WWOX: variants seen among roughly 807,000 people sequenced by gnomAD.
The protein encoded by WWOX is WW domain containing oxidoreductase, also known as WW domain-containing oxidoreductase.
A neutral mutation model predicts 46.2 loss-of-function variants in WWOX; 69 were observed. The observed-to-expected ratio is 1.49, with a 90% CI of 1.23 to 1.82. WWOX has a LOEUF of 1.82. Ranked by LOEUF, WWOX falls within the 40% of genes most tolerant of loss-of-function variation. The pLI, the probability that WWOX is intolerant of heterozygous loss-of-function variation, is 0.00. For missense variants in WWOX, 919 were observed against 542.6 expected (o/e 1.69, Z -6.89); for synonymous variants, 359 against 202.6 (o/e 1.77, Z -6.56).
chr16:79,028,523 T>C lies in WWOX; in HGVS notation c.1057-183085T>C, dbSNP rs2047690704. 2.0e-5 allele frequency among the ~76,000 whole-genome samples: 3 copies of C among 151,648 alleles called. 1 individual carries two copies. The highest frequency in any genetic ancestry group is 7.3e-5 in the African/African-American group (3 of 41,006). On this transcript the variant is annotated intron_variant, in intron 8 of 8. Transcript: ENST00000566780. ...ATCATTTTTCTTTCCTCCTTCTTCC[T>C]CTCCCTCCCTCCCATCCTTTCTTGC...
At chr16:78,932,142 C>G (rs995110638) in intron 8 of WWOX, among the ~76,000 whole-genome samples, 17 of 152,222 alleles carry the variant, frequency 1.1e-4, no homozygotes, top group African/African-American at 3.1e-4. Context: ...CAAACTAATA[C>G]ACCACTTGAA....
At chr16:78,659,959 A>G (rs757740310) in intron 8 of WWOX, among the ~76,000 whole-genome samples, 3 of 152,130 alleles carry the variant, frequency 2.0e-5, no homozygotes, top group Admixed American at 6.6e-5. Flanking sequence ...AGTGCATGCA[A>G]AAAAAAGCCC....
chr16:78,398,320 G>A (rs576927111), intron 6 of WWOX, among the ~76,000 whole-genome samples: 15 of 152,214 alleles, frequency 9.9e-5, no homozygotes, highest in Middle Eastern at 3.4e-3. Context: ...TCTCTGCTCC[G>A]CTGCTTATGT....
At chr16:78,739,918 T>G (rs2049175657) in intron 8 of WWOX, among the ~76,000 whole-genome samples, 1 of 152,170 alleles carries the variant, frequency 6.6e-6, no homozygotes, top group African/African-American at 2.4e-5. Context: ...GTGCATTTAT[T>G]ATTGCTAGGA....
At chr16:78,585,820 T>G (rs2045188687) in intron 8 of WWOX, among the ~76,000 whole-genome samples, 1 of 151,990 alleles carries the variant, frequency 6.6e-6, no homozygotes, top group Admixed American at 6.5e-5. Flanking sequence ...TTGGCCTGAT[T>G]CTGTGGCCTT....
intron 8 of WWOX, among the ~76,000 whole-genome samples, chr16:78,580,539 A>C (rs1337612408): frequency 6.6e-6 from 1 of 152,204 alleles, no homozygotes; most frequent in African/African-American, 2.4e-5. Flanking sequence ...ACAAATTGCC[A>C]AATGCAAGGC....
At chr16:78,582,632 C>T (rs2045088957) in intron 8 of WWOX, among the ~76,000 whole-genome samples, 1 of 152,116 alleles carries the variant, frequency 6.6e-6, no homozygotes, top group Non-Finnish European at 1.5e-5. Flanking sequence ...TTGATTGGTC[C>T]AACCTTAGCC....
chr16:78,647,923 A>G (rs902468775), intron 8 of WWOX, among the ~76,000 whole-genome samples: 1 of 152,342 alleles, frequency 6.6e-6, no homozygotes, highest in African/African-American at 2.4e-5. Context: ...AAAAGGCAAC[A>G]TTAGTAATCA....
At chr16:78,668,560 G>A (rs895739382) in intron 8 of WWOX, among the ~76,000 whole-genome samples, 2 of 152,170 alleles carry the variant, frequency 1.3e-5, no homozygotes, top group East Asian at 3.9e-4. Context: ...GTGGCAAGGG[G>A]CGTGACAAAG....
At chr16:78,581,393 C>A (rs1442379538) in intron 8 of WWOX, among the ~76,000 whole-genome samples, 2 of 152,036 alleles carry the variant, frequency 1.3e-5, no homozygotes, top group East Asian at 1.9e-4. Flanking sequence ...ACAGAATGAG[C>A]CTTAAATCTG....
chr16:78,355,100 C>G (rs1250902449), intron 5 of WWOX, among the ~76,000 whole-genome samples: 3 of 151,498 alleles, frequency 2.0e-5, no homozygotes, highest in African/African-American at 4.9e-5. Flanking sequence ...CCACTGCACT[C>G]CAGCCTGGGT....
At chr16:78,593,957 C>T (rs952615000) in intron 8 of WWOX, among the ~76,000 whole-genome samples, 5 of 152,082 alleles carry the variant, frequency 3.3e-5, no homozygotes, top group Non-Finnish European at 7.3e-5. Context: ...CGTCTTTGTC[C>T]CACTATCATT....
intron 8 of WWOX, among the ~76,000 whole-genome samples, chr16:78,916,304 G>T (rs1424046442): frequency 6.6e-6 from 1 of 152,190 alleles, no homozygotes; most frequent in African/African-American, 2.4e-5. Flanking sequence ...CCCTGTTTCA[G>T]AGGGGTTTCC....
At chr16:79,036,790 G>T (rs16949332) in intron 8 of WWOX, among the ~76,000 whole-genome samples, 4,402 of 152,258 alleles carry the variant, frequency 0.029, 99 homozygotes, top group African/African-American at 0.057. Context: ...GGCTCTGAGT[G>T]TATCCTGTTT....
At chr16:78,571,569 G>T (rs898674825) in intron 8 of WWOX, among the ~76,000 whole-genome samples, 2 of 152,182 alleles carry the variant, frequency 1.3e-5, no homozygotes, top group South Asian at 2.1e-4. Flanking sequence ...AAACTCATCA[G>T]TTAGAGGCGT....
chr16:78,156,069 C>T (rs565314127), intron 4 of WWOX, among the ~76,000 whole-genome samples: 147 of 152,154 alleles, frequency 9.7e-4, no homozygotes, highest in Non-Finnish European at 1.7e-3. Context: ...AGACTAGCAA[C>T]GGGTAATGCA....
chr16:78,741,916 C>G (rs1205487777), intron 8 of WWOX, among the ~76,000 whole-genome samples: 2 of 152,116 alleles, frequency 1.3e-5, no homozygotes, highest in Admixed American at 6.5e-5. Context: ...TTTAGATAAA[C>G]AATGGATAAT....
intron 8 of WWOX, among the ~76,000 whole-genome samples, chr16:78,685,748 C>G (rs1328426416): frequency 2.6e-5 from 4 of 152,122 alleles, no homozygotes; most frequent in Non-Finnish European, 4.4e-5. Context: ...TTTGGCTTGC[C>G]AAGGAGTAAG....
At chr16:78,670,543 A>G (rs2047435391) in intron 8 of WWOX, among the ~76,000 whole-genome samples, 1 of 152,142 alleles carries the variant, frequency 6.6e-6, no homozygotes, top group Non-Finnish European at 1.5e-5. Flanking sequence ...CACAGGCTTC[A>G]GAGTCCAGCC....
Sources: allele counts gnomAD v4.1 joint callset (sites outside exome capture counted in the v4.1 genomes callset), GRCh38; gene constraint gnomAD v4.1.1; transcripts MANE v1.5; gene names NCBI Gene and HGNC (gene_info 2026-07-23, HGNC 2026-07-21).